Variants in KAT7 observed in about 807,000 individuals in gnomAD.
The protein encoded by KAT7 is histone acetyltransferase KAT7.
In KAT7, 10 loss-of-function variants were observed where a neutral mutation model predicts 82.1. That is an observed-to-expected ratio of 0.12 (90% CI 0.08 to 0.21). The LOEUF is 0.21. Among genes scored for constraint, KAT7 ranks in the 10% least tolerant of loss-of-function variants. KAT7 has a pLI of 1.00. For synonymous variants in KAT7, 250 were observed against 262.5 expected, an observed-to-expected ratio of 0.95 and a Z score of 0.46; for missense variants, 378 against 760.9, an observed-to-expected ratio of 0.50 and a Z score of 5.92.
intron 2 of KAT7, among the ~76,000 whole-genome samples, chr17:49,795,978 TAAA>T (rs59446658): frequency 6.7e-6 from 1 of 149,016 alleles, no homozygotes; most frequent in African/African-American, 2.5e-5. Context: ...TGTCTCTTTA[TAAA>T]AAAAAAAGCA....
In KAT7 at chr17:49,832,870, G is replaced by C. The variant is rs1008527743; in HGVS notation, c.*5368G>C. 2 of 152,228 alleles carry C rather than the reference G, an allele frequency of 1.3e-5. No homozygotes were observed. The highest frequency in any genetic ancestry group is 2.4e-5 in the African/African-American group (1 of 41,452). 9.4% of individuals were successfully genotyped at this position (152,228 alleles called of 1,614,324 possible). A position where few individuals can be genotyped will look rare whatever the true frequency, so the allele number is the denominator to read the frequency against. ...TCTAGAAGCCACCCTTTGCTTTGCT[G>C]TTCATTGGGATCATGGAATCGGACC... is the stretch of plus-strand genomic sequence containing the variant. On this transcript the variant is annotated 3_prime_UTR_variant, in exon 15 of 15. Transcript: ENST00000259021.
rs1299269080 is a variant in KAT7, at chr17:49,831,519, T to A, written c.*4017T>A. ...GAAAAATTGAGGCTCATAGTGGTCT[T>A]GCTGCTGTGTCATAGCAATAGAATG... is the stretch of plus-strand genomic sequence containing the variant. On this transcript the variant is annotated 3_prime_UTR_variant, in exon 15 of 15. Transcript: ENST00000259021. 6.6e-6 allele frequency: 1 copy of A among 152,200 alleles called. No individual in the cohort carries two copies. The highest frequency in any genetic ancestry group is 1.5e-5 in the Non-Finnish European group (1 of 68,052). 9.4% of individuals were successfully genotyped at this position (152,200 alleles called of 1,614,324 possible).
intron 14 of KAT7, 23 bp from the exon 15 acceptor site, chr17:49,827,378 T>G: frequency 7.0e-7 from 1 of 1,430,410 alleles, no homozygotes; most frequent in Non-Finnish European, 9.9e-7. Context: ...TATGTAATCC[T>G]TTTTCCCATT....
chr17:49,821,867 C>A, intron 11 of KAT7, 77 bp downstream of exon 11: 1 of 1,341,342 alleles, frequency 7.5e-7, no homozygotes, highest in Non-Finnish European at 1.1e-6. Context: ...GCTCAAATCA[C>A]TGACAGGAAG....
At position 49,821,436 on chromosome 17, in the gene KAT7, G is replaced by A. The variant is rs188522091; in HGVS notation, c.1245+10G>A. 2.4e-5 allele frequency: 38 copies of A among 1,610,114 alleles called. No homozygotes were observed. The Admixed American group carries it at 6.2e-4, about 26-fold the overall frequency. ...TGGCAAGAAAAACAAGGTAAAAAGT[G>A]GTGACTTTAGAAAGGAGTTGAAATG... On this transcript the variant is annotated intron_variant, in intron 10 of 14. Transcript: ENST00000259021.
chr17:49,827,192 G>A (rs545793689), intron 14 of KAT7: 14 of 547,608 alleles, frequency 2.6e-5, no homozygotes, highest in Admixed American at 1.6e-4. Flanking sequence ...GTCGGTGAGC[G>A]ATGATTTTCA....
intron 13 of KAT7, 112 bp from the exon 14 acceptor site, chr17:49,826,581 A>G: frequency 1.4e-6 from 1 of 723,284 alleles, no homozygotes; most frequent in South Asian, 1.6e-5. Context: ...TGGGTTGAGT[A>G]CAGAAGATTC....
chr17:49,821,757 C>T lies in KAT7; in HGVS notation c.1353C>T (p.Asn451=), dbSNP rs927986740. ...TCTATGTTATGACAGAGGCGGACAA[C>T]ACTGGCTGTCACCTGATTGGATATT... The part of the protein sequence containing the change: ...FLFYVMTEAD[N]TGCHLIGYFS... The change falls in exon 11 of 15, where the codon AAC becomes AAT. Residue 451 remains asparagine (N), a synonymous_variant. Coordinates refer to ENST00000259021, the MANE Select transcript of KAT7 (RefSeq NM_007067.5). 1 of 1,613,886 alleles carries T rather than the reference C, an allele frequency of 6.2e-7. No individual in the cohort carries two copies. The highest frequency in any genetic ancestry group is 2.2e-5 in the East Asian group (1 of 44,878).
intron 11 of KAT7, among the ~76,000 whole-genome samples, chr17:49,822,610 A>G (rs1017666919): frequency 6.6e-6 from 1 of 152,196 alleles, no homozygotes; most frequent in East Asian, 1.9e-4. Flanking sequence ...ACGCACTGAA[A>G]GGGTACAATT....
chr17:49,806,196 A>C (rs1283495818), intron 5 of KAT7, among the ~76,000 whole-genome samples: 1 of 152,256 alleles, frequency 6.6e-6, no homozygotes, highest in East Asian at 1.9e-4. Flanking sequence ...TGCTAGTGAC[A>C]CCAGGGTCAC....
chr17:49,826,890 C>T, intron 14 of KAT7, 91 bp downstream of exon 14: 1 of 794,266 alleles, frequency 1.3e-6, no homozygotes. Context: ...AGAACCTTCC[C>T]TTAAAGGAGT....
intron 7 of KAT7, among the ~76,000 whole-genome samples, chr17:49,814,527 A>T (rs1234405918): frequency 6.6e-6 from 1 of 152,182 alleles, no homozygotes; most frequent in East Asian, 1.9e-4. Context: ...CCCATATTTT[A>T]TATACAGGAA....
At position 49,827,868 on chromosome 17, in the gene KAT7, C is replaced by G. The variant is rs1362296614; in HGVS notation, c.*366C>G. On this transcript the variant is annotated 3_prime_UTR_variant, in exon 15 of 15. Transcript: ENST00000259021. ...CTTCTAAGCGTGGTACTAGTGCTTG[C>G]CACCTGGTCACCAGACCTCCAAATA... The G allele has an allele frequency of 5.3e-6, 1 of 187,770 alleles. No individual in the cohort carries two copies. The highest frequency in any genetic ancestry group is 2.3e-5 in the African/African-American group (1 of 42,864). 11.6% of individuals were successfully genotyped at this position (187,770 alleles called of 1,614,324 possible). A position where few individuals can be genotyped will look rare whatever the true frequency, so the allele number is the denominator to read the frequency against.
intron 9 of KAT7, among the ~76,000 whole-genome samples, chr17:49,819,750 G>A (rs1356717362): frequency 6.6e-6 from 1 of 152,128 alleles, no homozygotes; most frequent in Non-Finnish European, 1.5e-5. Flanking sequence ...CCTTTGGCTT[G>A]GCTTCTGTTT....
chr17:49,800,832 G>A (rs1037516239), intron 4 of KAT7, among the ~76,000 whole-genome samples: 1 of 152,082 alleles, frequency 6.6e-6, no homozygotes, highest in African/African-American at 2.4e-5. Context: ...GTAGGATATT[G>A]TGTGTGTATA....
At chr17:49,813,683 T>C (rs914931317) in intron 7 of KAT7, among the ~76,000 whole-genome samples, 1 of 152,202 alleles carries the variant, frequency 6.6e-6, no homozygotes, top group African/African-American at 2.4e-5. Flanking sequence ...TTACATGGCA[T>C]TGACATCACA....
chr17:49,825,997 C>A lies in KAT7; in HGVS notation c.1481-3C>A. The A allele has an allele frequency of 6.2e-7, 1 of 1,606,438 alleles. No individual in the cohort carries two copies. Among genetic ancestry groups the A allele is most frequent in the Non-Finnish European group, 8.5e-7 (1 of 1,174,850 alleles). Reference sequence around the variant, plus strand: ...GAAAAAGTCTGTATTTGTTCCCTGGCAGGTTATTTGCTTTCCAAAGTCGAA... The same window carrying A: ...GAAAAAGTCTGTATTTGTTCCCTGGAAGGTTATTTGCTTTCCAAAGTCGAA... On this transcript the variant is annotated splice_region_variant and splice_polypyrimidine_tract_variant and intron_variant, in intron 12 of 14. Transcript: ENST00000259021.
In KAT7 at chr17:49,829,855, A is replaced by G. The variant is rs1167669089; in HGVS notation, c.*2353A>G. On this transcript the variant is annotated 3_prime_UTR_variant, in exon 15 of 15. Transcript: ENST00000259021. Reference sequence around the variant, plus strand: ...AAACAGAGTTTCACTTGCCTTGGCAACTTTGCATGAGACTATCCCATTTCA... The same window carrying G: ...AAACAGAGTTTCACTTGCCTTGGCAGCTTTGCATGAGACTATCCCATTTCA... 6.6e-6 allele frequency: 1 copy of G among 150,916 alleles called. No individual in the cohort carries two copies. The highest frequency in any genetic ancestry group is 1.5e-5 in the Non-Finnish European group (1 of 67,880). 9.3% of individuals were successfully genotyped at this position (150,916 alleles called of 1,614,324 possible). A position where few individuals can be genotyped will look rare whatever the true frequency, so the allele number is the denominator to read the frequency against.
Position 49,812,988 on chromosome 17 carries a change from A to C in KAT7, c.852+1414A>C, listed in dbSNP as rs1455540884. Among the ~76,000 whole-genome samples the C allele has an allele frequency of 2.1e-5, 3 of 142,768 alleles. No individual in the cohort carries two copies. In the Admixed American group the frequency reaches 2.1e-4, roughly 10 times the overall value. The allele number at this position is 142,768 out of a possible 152,430, so 93.7% of individuals were successfully genotyped here. A position where few individuals can be genotyped will look rare whatever the true frequency, so the allele number is the denominator to read the frequency against. Reference sequence around the variant, plus strand: ...AGTGCTGGGATTATAGGCATGAGCCACTGCACCCAGCCTTTTTTTTTTTTT... The same window carrying C: ...AGTGCTGGGATTATAGGCATGAGCCCCTGCACCCAGCCTTTTTTTTTTTTT... On this transcript the variant is annotated intron_variant, in intron 7 of 14. Transcript: ENST00000259021.
Sources: allele counts gnomAD v4.1 joint callset (sites outside exome capture counted in the v4.1 genomes callset), GRCh38; gene constraint gnomAD v4.1.1; transcripts MANE v1.5; gene names NCBI Gene and HGNC (gene_info 2026-07-23, HGNC 2026-07-21).